MYT1: variants seen among roughly 807,000 people sequenced by gnomAD.
MYT1 encodes the protein myelin transcription factor 1.
A neutral mutation model predicts 123.0 loss-of-function variants in MYT1; 23 were observed. The observed-to-expected ratio is 0.19, with a 90% CI of 0.13 to 0.26. The LOEUF is 0.26. Ranked by LOEUF, MYT1 falls within the 10% of genes least tolerant of loss-of-function variation. The pLI is 1.00. For missense variants in MYT1, 1,125 were observed against 1,472.5 expected, an observed-to-expected ratio of 0.76 and a Z score of 3.86; for synonymous variants, 518 against 575.3, an observed-to-expected ratio of 0.90 and a Z score of 1.43.
chr20:64,225,911 C>T (rs1984158505), intron 16 of MYT1, among the ~76,000 whole-genome samples: 1 of 152,198 alleles, frequency 6.6e-6, no homozygotes, highest in Non-Finnish European at 1.5e-5. Context: ...CCACCTGAGA[C>T]TCACTCACAG....
Position 64,164,695 on chromosome 20 carries a change from CG to C in MYT1, c.-142del, listed in dbSNP as rs1009657677. On this transcript the variant is annotated 5_prime_UTR_variant, in exon 1 of 23. An upstream open reading frame in the 5' UTR gains an earlier in-frame stop. Coordinates refer to ENST00000328439, the MANE Select transcript of MYT1 (RefSeq NM_004535.3). ...CCATGTAAATTTCATGATTGCTTTC[CG>C]TGATGTCATTTTGAAAGAGGACAGA... 1 of 151,998 alleles carries C rather than the reference CG, an allele frequency of 6.6e-6. No individual in the cohort carries two copies. Among genetic ancestry groups the C allele is most frequent in the Non-Finnish European group, 1.5e-5 (1 of 68,024 alleles). The allele number at this position is 151,998 out of a possible 1,614,324, so 9.4% of individuals were successfully genotyped here. A position where few individuals can be genotyped will look rare whatever the true frequency, so the allele number is the denominator to read the frequency against.
Position 64,240,542 on chromosome 20 carries a change from C to T in MYT1, c.*94C>T. 2.7e-6 allele frequency: 4 copies of T among 1,468,090 alleles called. No individual in the cohort carries two copies. In the South Asian group the frequency reaches 4.2e-5, roughly 15 times the overall value. The allele number at this position is 1,468,090 out of a possible 1,614,324, so 90.9% of individuals were successfully genotyped here. A position where few individuals can be genotyped will look rare whatever the true frequency, so the allele number is the denominator to read the frequency against. ...GGGGATGCCCAACTCACAGTGACTT[C>T]CCGTTTGGGGCCCGGTGTGGCCGCG... On this transcript the variant is annotated 3_prime_UTR_variant, in exon 23 of 23. Transcript: ENST00000328439.
At chr20:64,180,565 G>C (rs1437891654) in intron 1 of MYT1, among the ~76,000 whole-genome samples, 2 of 152,216 alleles carry the variant, frequency 1.3e-5, no homozygotes, top group African/African-American at 2.4e-5. Flanking sequence ...AGGCCTTGGT[G>C]GGGACACCTT....
chr20:64,237,158 C>T (rs559046376), intron 20 of MYT1, 129 bp from the exon 21 acceptor site: 8 of 663,334 alleles, frequency 1.2e-5, no homozygotes, highest in South Asian at 7.6e-5. Context: ...GAGATGAGCT[C>T]GGAAAACCAG....
chr20:64,171,627 G>A (rs575450775), intron 1 of MYT1, among the ~76,000 whole-genome samples: 20 of 147,118 alleles, frequency 1.4e-4, no homozygotes, highest in African/African-American at 5.1e-4. Context: ...CTAACCTCTG[G>A]CATCTGGAGG....
In MYT1 at chr20:64,207,866, G is replaced by A; in HGVS notation, c.670G>A (p.Val224Ile). Reference protein sequence around the residue: ...LFIQPEDAEEVVEVTTERSQD... With the variant: ...LFIQPEDAEEIVEVTTERSQD... Reference sequence around the variant, plus strand: ...CATCCAGCCAGAGGATGCCGAGGAGGTCGTCGAAGTCACCACCGAGCGCTC... The same window carrying A: ...CATCCAGCCAGAGGATGCCGAGGAGATCGTCGAAGTCACCACCGAGCGCTC... The change falls in exon 7 of 23, where the codon GTC becomes ATC. Residue 224 changes from valine (V) to isoleucine (I), a missense_variant. Coordinates refer to ENST00000328439, the MANE Select transcript of MYT1 (RefSeq NM_004535.3). 2.5e-6 allele frequency: 4 copies of A among 1,613,378 alleles called. No individual in the cohort carries two copies. Among genetic ancestry groups the A allele is most frequent in the African/African-American group, 1.3e-5 (1 of 74,894 alleles).
intron 19 of MYT1, among the ~76,000 whole-genome samples, chr20:64,234,078 T>C (rs976939508): frequency 2.0e-5 from 3 of 152,196 alleles, no homozygotes; most frequent in Non-Finnish European, 4.4e-5. Flanking sequence ...CCGGGGTCAG[T>C]TGGGCAGAGA....
At chr20:64,234,093 T>C (rs1211183408) in intron 19 of MYT1, among the ~76,000 whole-genome samples, 1 of 152,238 alleles carries the variant, frequency 6.6e-6, no homozygotes, top group Non-Finnish European at 1.5e-5. Flanking sequence ...CAGAGACTTA[T>C]GCTGGGCTTC....
chr20:64,240,036 C>A, intron 22 of MYT1, 133 bp downstream of exon 22: 2 of 1,348,408 alleles, frequency 1.5e-6, no homozygotes, highest in African/African-American at 1.5e-5. Context: ...TGTGGAGATT[C>A]TCTCCACCCC....
chr20:64,202,071 T>TC lies in MYT1; in HGVS notation c.86+2149_86+2150insC, dbSNP rs1555812039. 8.5e-6 allele frequency among the ~76,000 whole-genome samples: 1 copy of TC among 117,022 alleles called. No individual in the cohort carries two copies. The allele number at this position is 117,022 out of a possible 152,430, so 76.8% of individuals were successfully genotyped here. A position where few individuals can be genotyped will look rare whatever the true frequency, so the allele number is the denominator to read the frequency against. On this transcript the variant is annotated intron_variant, in intron 4 of 22. Coordinates refer to ENST00000328439, the MANE Select transcript of MYT1 (RefSeq NM_004535.3). The surrounding 1 kb of genome is among the most constrained non-coding windows in gnomAD (Gnocchi z 5.0). ...AACCTCTGCGTGTCGGGAACCCCTG[T>TC]GTGCAGGACTTTCTCTGTGGATGAC... is the stretch of plus-strand genomic sequence containing the variant.
rs1338911823 is a variant in MYT1, at chr20:64,223,342, C to A, written c.2511C>A (p.Ala837=). 1 of 1,613,992 alleles carries A rather than the reference C, an allele frequency of 6.2e-7. No homozygotes were observed. The highest frequency in any genetic ancestry group is 8.5e-7 in the Non-Finnish European group (1 of 1,180,014). ...ADKSLRNLMA[A]HSADLKCPTP... ...AGAGCCTCAGAAACCTCATGGCTGC[C>A]CACTCTGCTGACCTCAAGTATGTTT... The change falls in exon 16 of 23, where the codon GCC becomes GCA. Residue 837 remains alanine (A), a synonymous_variant. Coordinates refer to ENST00000328439, the MANE Select transcript of MYT1 (RefSeq NM_004535.3).
rs535949908 is a variant in MYT1, at chr20:64,240,679, A to C, written c.*231A>C. 3 of 466,180 alleles carry C rather than the reference A, an allele frequency of 6.4e-6. No homozygotes were observed. In the Admixed American group the frequency reaches 1.2e-4, roughly 18 times the overall value. The allele number at this position is 466,180 out of a possible 1,614,324, so 28.9% of individuals were successfully genotyped here. A position where few individuals can be genotyped will look rare whatever the true frequency, so the allele number is the denominator to read the frequency against. Reference sequence around the variant, plus strand: ...TGCATAGGGGCACTGAAGAATTACAAAGTGATTTATTTTTGTTTTCTGAAA... The same window carrying C: ...TGCATAGGGGCACTGAAGAATTACACAGTGATTTATTTTTGTTTTCTGAAA... On this transcript the variant is annotated 3_prime_UTR_variant, in exon 23 of 23. Coordinates refer to ENST00000328439, the MANE Select transcript of MYT1 (RefSeq NM_004535.3).
At position 64,222,527 on chromosome 20, in the gene MYT1, A is replaced by G. The variant is rs887270165; in HGVS notation, c.2396+480A>G. On this transcript the variant is annotated intron_variant, in intron 14 of 22. Coordinates refer to ENST00000328439, the MANE Select transcript of MYT1 (RefSeq NM_004535.3). ...AGGCTGCGTGTCTGAGCTGGTCCGC[A>G]TGGGGTTGGAACAGACAGAGTTGCT... Among the ~76,000 whole-genome samples the G allele has an allele frequency of 9.2e-5, 14 of 152,346 alleles. No homozygotes were observed. The East Asian group carries it at 2.3e-3, about 25-fold the overall frequency.
intron 1 of MYT1, among the ~76,000 whole-genome samples, chr20:64,181,953 C>T (rs1011872801): frequency 3.3e-5 from 5 of 152,160 alleles, no homozygotes; most frequent in African/African-American, 1.2e-4. Context: ...GTGTCAGAGG[C>T]TCTTTGGGAC....
rs1222463529 is a variant in MYT1, at chr20:64,196,157, CAAGTA to C, written c.1-2700_1-2696del. 3.9e-5 allele frequency among the ~76,000 whole-genome samples: 6 copies of C among 152,122 alleles called. No individual in the cohort carries two copies. The highest frequency in any genetic ancestry group is 3.9e-4 in the Admixed American group (6 of 15,274). On this transcript the variant is annotated intron_variant, in intron 2 of 22. Transcript: ENST00000328439. This position sits in a 1 kb window ranked among gnomAD's most constrained non-coding sequence, Gnocchi z 4.3. Reference sequence around the variant, plus strand: ...GGACCTGGTTGGCTTGTGTTTGGAACAAGTAAAGTGTGTTTTAAAAATCAATGAAA... The same window carrying C: ...GGACCTGGTTGGCTTGTGTTTGGAACAAGTGTGTTTTAAAAATCAATGAAA...
chr20:64,179,294 A>G (rs1982572613), intron 1 of MYT1, among the ~76,000 whole-genome samples: 1 of 152,248 alleles, frequency 6.6e-6, no homozygotes. Context: ...GGGTTTGTCC[A>G]GTGTTGCCCG....
chr20:64,185,559 C>G lies in MYT1; in HGVS notation c.-98-4504C>G, dbSNP rs984387964. ...TTGTTTTCAGAGTGGGGAGGTTTTA[C>G]ACAGTGGAAGGGGGTCAGGTTGCCA... On this transcript the variant is annotated intron_variant, in intron 1 of 22. Transcript: ENST00000328439. This position sits in a 1 kb window ranked among gnomAD's most constrained non-coding sequence, Gnocchi z 4.5. Among the ~76,000 whole-genome samples the G allele has an allele frequency of 6.6e-6, 1 of 152,204 alleles. No individual in the cohort carries two copies. Among genetic ancestry groups the G allele is most frequent in the Non-Finnish European group, 1.5e-5 (1 of 68,036 alleles).
intron 1 of MYT1, among the ~76,000 whole-genome samples, chr20:64,171,386 C>A (rs1040345398): frequency 1.3e-5 from 2 of 152,222 alleles, no homozygotes; most frequent in Non-Finnish European, 2.9e-5. Flanking sequence ...TAGAAGGCTG[C>A]CTGGAGCCTG....
chr20:64,223,974 C>A (rs1228007201), intron 16 of MYT1, among the ~76,000 whole-genome samples: 1 of 152,220 alleles, frequency 6.6e-6, no homozygotes, highest in Admixed American at 6.5e-5. Flanking sequence ...GCCCTGCAGG[C>A]ACCAGCTATA....
Sources: gnomAD v4.1 joint callset for allele counts (sites outside exome capture counted in the v4.1 genomes callset) on GRCh38, gnomAD v4.1.1 for gene constraint, Gnocchi (gnomAD v3.1) non-coding constraint, MANE v1.5 for transcripts, NCBI Gene and HGNC (gene_info 2026-07-23, HGNC 2026-07-21) for gene names.